Variants in MCM3 observed in about 807,000 individuals in gnomAD.
MCM3 encodes the protein DNA replication licensing factor MCM3.
Under a neutral mutation model 91.3 loss-of-function variants are expected in MCM3, and 59 were observed. The ratio of observed to expected loss-of-function variants is 0.65; its 90% confidence interval spans 0.52 to 0.80. The LOEUF (loss-of-function observed/expected upper bound fraction) is 0.80, where lower values mean the gene tolerates loss of function less well. Among genes scored for constraint, MCM3 ranks in the 30% least tolerant of loss-of-function variants. The probability of loss-of-function intolerance (pLI) is 0.00; values close to 1 mark genes in which losing one functional copy is unlikely to be tolerated. For synonymous variants in MCM3, 383 were observed against 379.6 expected (o/e 1.01, Z -0.10); for missense variants, 919 against 1,035.4 (o/e 0.89, Z 1.54).
intron 2 of MCM3, 48 bp downstream of exon 2, chr6:52,283,246 G>A: frequency 6.7e-7 from 1 of 1,490,024 alleles, no homozygotes; most frequent in East Asian, 2.3e-5. Context: ...GGCCAAGAGG[G>A]AAGGGAGCCA....
In MCM3 at chr6:52,282,140, G is replaced by A; in HGVS notation, c.436C>T (p.His146Tyr). 1 of 1,614,022 alleles carries A rather than the reference G, an allele frequency of 6.2e-7. No homozygotes were observed. Among genetic ancestry groups the A allele is most frequent in the Non-Finnish European group, 8.5e-7 (1 of 1,179,928 alleles). Residue 146 changes from histidine (H) to tyrosine (Y), a missense_variant, in exon 4 of 17, where the codon CAC becomes TAC. Coordinates refer to ENST00000596288, the MANE Select transcript of MCM3 (RefSeq NM_002388.6). Reference sequence around the variant, plus strand: ...GTCTTCTTAGTAGCAGGACAGTAGTGGACACTGCGGACGACTTTGGGACGA... The same window carrying A: ...GTCTTCTTAGTAGCAGGACAGTAGTAGACACTGCGGACGACTTTGGGACGA... ...LVRPKVVRSV[H>Y]YCPATKKTIE...
At chr6:52,267,265 AT>A (rs1411237978) in intron 14 of MCM3, among the ~76,000 whole-genome samples, 3 of 151,454 alleles carry the variant, frequency 2.0e-5, no homozygotes, top group Non-Finnish European at 2.9e-5. Context: ...CGCCAGCCTA[AT>A]TTTTTGTATT....
chr6:52,278,247 G>A (rs932383619), intron 6 of MCM3, among the ~76,000 whole-genome samples: 1 of 152,070 alleles, frequency 6.6e-6, no homozygotes, highest in East Asian at 1.9e-4. Flanking sequence ...ATCTTTAAGG[G>A]AAAAAAGTAT....
At chr6:52,264,923 C>A in intron 16 of MCM3, 137 bp from the exon 17 acceptor site, 4 of 714,866 alleles carry the variant, frequency 5.6e-6, no homozygotes, top group South Asian at 5.2e-5. Context: ...ACACATCTGC[C>A]TCTGATGGCA....
chr6:52,271,154 G>A (rs1002744657), intron 12 of MCM3, among the ~76,000 whole-genome samples: 3 of 152,028 alleles, frequency 2.0e-5, no homozygotes, highest in Non-Finnish European at 4.4e-5. Context: ...CTCCAGCCTG[G>A]GTAACACAGC....
chr6:52,268,082 T>A, intron 13 of MCM3, 114 bp from the exon 14 acceptor site: 3 of 1,422,322 alleles, frequency 2.1e-6, no homozygotes, highest in Non-Finnish European at 2.9e-6. Context: ...ATGTTTCCAA[T>A]GGTTTACCTA....
At chr6:52,272,268 G>A in intron 12 of MCM3, 33 bp downstream of exon 12, 1 of 1,605,960 alleles carries the variant, frequency 6.2e-7, no homozygotes, top group Non-Finnish European at 8.5e-7. Context: ...TATACCTAAG[G>A]GACCCCAAGC....
Position 52,264,347 on chromosome 6 carries a change from G to A in MCM3, c.*241C>T. 2.0e-6 allele frequency: 1 copy of A among 493,066 alleles called. No homozygotes were observed. Among genetic ancestry groups the A allele is most frequent in the East Asian group, 3.5e-5 (1 of 28,662 alleles). The allele number at this position is 493,066 out of a possible 1,614,324, so 30.5% of individuals were successfully genotyped here. Reference sequence around the variant, plus strand: ...GCGGATGAGCCAGTGCTTTTGCAATGAAGATGCAATAGTCATTGTCCTCTC... The same window carrying A: ...GCGGATGAGCCAGTGCTTTTGCAATAAAGATGCAATAGTCATTGTCCTCTC... On this transcript the variant is annotated 3_prime_UTR_variant, in exon 17 of 17. Coordinates refer to ENST00000596288, the MANE Select transcript of MCM3 (RefSeq NM_002388.6).
chr6:52,281,654 TGAGA>T (rs1189413954), intron 4 of MCM3, among the ~76,000 whole-genome samples: 1 of 151,938 alleles, frequency 6.6e-6, no homozygotes. Context: ...CACTCCAGCC[TGAGA>T]GAGACAGATC....
intron 10 of MCM3, 38 bp from the exon 11 acceptor site, chr6:52,273,394 G>C (rs1476193263): frequency 1.9e-6 from 3 of 1,611,084 alleles, no homozygotes; most frequent in Non-Finnish European, 2.5e-6. Context: ...GAGTAATAAA[G>C]AGTTTAACCC....
In MCM3 at chr6:52,282,699, G is replaced by C. The variant is rs370391228; in HGVS notation, c.354C>G (p.Ser118=). ...SKHVSPRTLT[S]CFLSCVVCVE... ...CACAGACCACACAGCTGAGGAAGCA[G>C]GAGGTAAGAGTCCGCGGGGAGACGT... The change falls in exon 3 of 17, where the codon TCC becomes TCG. Residue 118 remains serine, a synonymous_variant. Coordinates refer to ENST00000596288, the MANE Select transcript of MCM3 (RefSeq NM_002388.6). 6.2e-7 allele frequency: 1 copy of C among 1,613,754 alleles called. No homozygotes were observed. The highest frequency in any genetic ancestry group is 8.5e-7 in the Non-Finnish European group (1 of 1,180,046).
Position 52,273,250 on chromosome 6 carries a change from T to C in MCM3, c.1656A>G (p.Leu552=). 6.2e-7 allele frequency: 1 copy of C among 1,614,258 alleles called. No homozygotes were observed. ...CTCACTTTTTCTTCTTGGTCCCATG[T>C]AGAAGGTTGTCATGCTTCTCATAAA... ...TQIYEKHDNL[L]HGTKKKKEKM... Residue 552 remains leucine, a synonymous_variant, in exon 11 of 17, where the codon CTA becomes CTG. Coordinates refer to ENST00000596288, the MANE Select transcript of MCM3 (RefSeq NM_002388.6).
At chr6:52,276,814 A>T (rs1270500731) in intron 8 of MCM3, among the ~76,000 whole-genome samples, 4 of 152,352 alleles carry the variant, frequency 2.6e-5, no homozygotes, top group South Asian at 2.1e-4. Flanking sequence ...TCTAGTTCAT[A>T]AAATAGTACA....
Position 52,279,594 on chromosome 6 carries a change from C to T in MCM3, c.537G>A (p.Glu179=), listed in dbSNP as rs1178417169. The T allele has an allele frequency of 6.2e-7, 1 of 1,610,538 alleles. No individual in the cohort carries two copies. The highest frequency in any genetic ancestry group is 1.7e-5 in the Admixed American group (1 of 59,836). ...ATTCTGTCTCAAGGGGATTGTTCTC[C>T]TCATCCTAGAAAAAGGCACACAGAG... ...PSSSVYPTKD[E]ENNPLETEYG... is the part of the protein sequence containing the mutation. Residue 179 remains glutamate (E), a synonymous_variant, in exon 5 of 17, where the codon GAG becomes GAA. Transcript: ENST00000596288.
Position 52,278,757 on chromosome 6 carries a change from A to G in MCM3, c.864T>C (p.Ser288=). 6.2e-7 allele frequency: 1 copy of G among 1,613,128 alleles called. No individual in the cohort carries two copies. Among genetic ancestry groups the G allele is most frequent in the African/African-American group, 1.3e-5 (1 of 75,046 alleles). The change falls in exon 6 of 17, where the codon AGT becomes AGC. Residue 288 remains serine (S), a synonymous_variant. Transcript: ENST00000596288. ...ATGCCCAGACCTTGGATCGGGTTTT[A>G]CTGAACTTCTTGATCTTGGCTATAT... ...AEDIAKIKKF[S]KTRSKDIFDQ... is the part of the protein sequence containing the mutation.
chr6:52,273,717 A>C (rs1322975081), intron 10 of MCM3, 25 bp downstream of exon 10: 1 of 1,585,506 alleles, frequency 6.3e-7, no homozygotes, highest in Non-Finnish European at 8.6e-7. Context: ...TCCATTAGTT[A>C]CTCTTACTAT....
At chr6:52,277,251 C>A in intron 7 of MCM3, 53 bp from the exon 8 acceptor site, 2 of 1,579,764 alleles carry the variant, frequency 1.3e-6, no homozygotes, top group Non-Finnish European at 1.7e-6. Context: ...GCACCCCCAG[C>A]AAATTCTGCC....
rs770359099 is a variant in MCM3 at position 52,279,474 on chromosome 6, G to A, written c.657C>T (p.Val219=). The A allele has an allele frequency of 2.5e-6, 4 of 1,614,160 alleles. No homozygotes were observed. The highest frequency in any genetic ancestry group is 2.5e-6 in the Non-Finnish European group (3 of 1,180,034). Reference sequence around the variant, plus strand: ...TATCCACCAAGTCATCATCCAGAATGACGTCCACAGAGCGGGGGAGCTGGC... The same window carrying A: ...TATCCACCAAGTCATCATCCAGAATAACGTCCACAGAGCGGGGGAGCTGGC... ...PAGQLPRSVD[V]ILDDDLVDKA... is the part of the protein sequence containing the mutation. The change falls in exon 5 of 17, where the codon GTC becomes GTT. Residue 219 remains valine (V), a synonymous_variant. Coordinates refer to ENST00000596288, the MANE Select transcript of MCM3 (RefSeq NM_002388.6).
intron 16 of MCM3, chr6:52,265,372 G>T: frequency 3.0e-6 from 1 of 333,638 alleles, no homozygotes; most frequent in Non-Finnish European, 6.0e-6. Context: ...GGGCAACATG[G>T]TGAGATCCCG....
Sources: allele counts gnomAD v4.1 joint callset (sites outside exome capture counted in the v4.1 genomes callset), GRCh38; gene constraint gnomAD v4.1.1; transcripts MANE v1.5; gene names NCBI Gene and HGNC (gene_info 2026-07-23, HGNC 2026-07-21).